ANGPTL6: variants seen among roughly 807,000 people sequenced by gnomAD.
The protein encoded by ANGPTL6 is angiopoietin like 6.
In ANGPTL6, 45 loss-of-function variants were observed where a neutral mutation model predicts 47.4. The observed-to-expected ratio is 0.95, with a 90% confidence interval of 0.75 to 1.22. ANGPTL6 has a LOEUF of 1.22. ANGPTL6 is among the 50% of genes most tolerant of loss of function. The probability of loss-of-function intolerance (pLI) is 0.00; values close to 1 mark genes in which losing one functional copy is unlikely to be tolerated. For missense variants in ANGPTL6, 698 were observed against 669.4 expected, an observed-to-expected ratio of 1.04 and a Z score of -0.47; for synonymous variants, 290 against 295.9, an observed-to-expected ratio of 0.98 and a Z score of 0.20.
At chr19:10,098,203 A>C (rs1224347012) in intron 1 of ANGPTL6, among the ~76,000 whole-genome samples, 1 of 151,964 alleles carries the variant, frequency 6.6e-6, no homozygotes, top group Non-Finnish European at 1.5e-5. Context: ...ACTATTTTGT[A>C]AATCTGGGCT....
chr19:10,102,872 C>G, upstream of ANGPTL6: 1 of 727,514 alleles, frequency 1.4e-6, no homozygotes, highest in Non-Finnish European at 1.7e-6. Context: ...CCTGGACATC[C>G]CTCCCTTTCC....
chr19:10,092,978 C>T (rs946935587), intron 5 of ANGPTL6, 199 bp from the exon 6 acceptor site: 1 of 510,492 alleles, frequency 2.0e-6, no homozygotes, highest in Non-Finnish European at 3.4e-6. Flanking sequence ...TTAATTCCTT[C>T]CCTATCTCCT....
At position 10,092,770 on chromosome 19, in the gene ANGPTL6, GCA is replaced by G; in HGVS notation, c.1230_1231del (p.Ala411ProfsTer39). On this transcript the variant is annotated frameshift_variant, in exon 6 of 6. Coordinates refer to ENST00000253109, the MANE Select transcript of ANGPTL6 (RefSeq NM_031917.3). LOFTEE classifies it high-confidence loss of function. ...CCACCAGCCTCCCCGCTGGTACAGGGCACAGTTACCTGAGGGGAGAGAGAGAG... is the reference window on the plus strand; with the variant it reads ...CCACCAGCCTCCCCGCTGGTACAGGGCAGTTACCTGAGGGGAGAGAGAGAG... The G allele has an allele frequency of 6.2e-7, 1 of 1,600,210 alleles. No individual in the cohort carries two copies.
At chr19:10,094,649 AG>A in intron 3 of ANGPTL6, 108 bp downstream of exon 3, 1 of 1,317,416 alleles carries the variant, frequency 7.6e-7, no homozygotes, top group Non-Finnish European at 1.1e-6. Context: ...TAATCAGAAT[AG>A]GAGTATCATT....
Position 10,096,341 on chromosome 19 carries a change from G to T in ANGPTL6, c.223C>A (p.Leu75Met). ...LRMRVGRHEE[L>M]LRELQRLAAA... ...GCCAGCCTCTGCAGCTCGCGTAACA[G>T]CTCCTCGTGGCGGCCGACGCGCATG... Residue 75 changes from leucine to methionine, a missense_variant, in exon 2 of 6, where the codon CTG (leucine) becomes ATG (methionine). By Grantham distance (15) the Leu-to-Met change is conservative. Coordinates refer to ENST00000253109, the MANE Select transcript of ANGPTL6 (RefSeq NM_031917.3). The T allele has an allele frequency of 7.8e-7, 1 of 1,285,968 alleles. No homozygotes were observed. The highest frequency in any genetic ancestry group is 2.5e-5 in the South Asian group (1 of 39,422). The allele number at this position is 1,285,968 out of a possible 1,614,324, so 79.7% of individuals were successfully genotyped here. A position where few individuals can be genotyped will look rare whatever the true frequency, so the allele number is the denominator to read the frequency against.
chr19:10,093,516 C>T lies in ANGPTL6; in HGVS notation c.1055G>A (p.Trp352Ter), dbSNP rs746059420. The T allele has an allele frequency of 6.2e-7, 1 of 1,614,092 alleles. No homozygotes were observed. Among genetic ancestry groups the T allele is most frequent in the East Asian group, 2.2e-5 (1 of 44,900 alleles). Residue 352 changes from tryptophan to a stop codon, truncating the protein, a stop_gained, in exon 5 of 6, where the codon TGG becomes TAG. Transcript: ENST00000253109. LOFTEE classifies it high-confidence loss of function. ...DHELLVLLED[W>*]GGRGARAHYD... ...GTGGGCACGTGCTCCACGGCCCCCC[C>T]AGTCCTCCAGGAGAACCAGCAGCTC... is the stretch of plus-strand genomic sequence containing the variant.
At chr19:10,096,890 T>A (rs1333828296) in intron 1 of ANGPTL6, among the ~76,000 whole-genome samples, 4 of 148,932 alleles carry the variant, frequency 2.7e-5, no homozygotes. Context: ...GACCAGGAGT[T>A]CGAGACCAGC....
rs773703531 is a variant in ANGPTL6 at position 10,093,768 on chromosome 19, C to A, written c.876G>T (p.Glu292Asp). 1.2e-6 allele frequency: 2 copies of A among 1,614,128 alleles called. No homozygotes were observed. The highest frequency in any genetic ancestry group is 1.3e-5 in the African/African-American group (1 of 74,946). Reference sequence around the variant, plus strand: ...GCTGGATCACAGTCCAGCCTCCACCCTCCAGTTGCTGCTCACACCATACTG... The same window carrying A: ...GCTGGATCACAGTCCAGCCTCCACCATCCAGTTGCTGCTCACACCATACTG... ...VVSVWCEQQLEGGGWTVIQRR... is the reference protein window; with the variant it reads ...VVSVWCEQQLDGGGWTVIQRR... The change falls in exon 4 of 6, where the codon GAG becomes GAT. Residue 292 changes from glutamate (E) to aspartate (D), a missense_variant. By Grantham distance (45) the Glu-to-Asp change is conservative. Transcript: ENST00000253109.
chr19:10,094,240 A>G (rs996098118), intron 3 of ANGPTL6, among the ~76,000 whole-genome samples: 2 of 151,722 alleles, frequency 1.3e-5, no homozygotes, highest in Admixed American at 6.6e-5. Context: ...TCATCCTCCC[A>G]GGTTCACGCC....
At chr19:10,102,501 A>G in intron 1 of ANGPTL6, 67 bp downstream of exon 1, 3 of 966,554 alleles carry the variant, frequency 3.1e-6, no homozygotes, top group South Asian at 4.8e-5. Flanking sequence ...GGGGCCCCCA[A>G]GCCAAGCTGT....
chr19:10,099,632 C>T (rs546671827), intron 1 of ANGPTL6, among the ~76,000 whole-genome samples: 9 of 151,620 alleles, frequency 5.9e-5, no homozygotes, highest in East Asian at 3.9e-4. Context: ...CCCTTCTGCC[C>T]TCCTCCCAGG....
chr19:10,097,164 G>T (rs942162123), intron 1 of ANGPTL6, among the ~76,000 whole-genome samples: 2 of 152,194 alleles, frequency 1.3e-5, no homozygotes, highest in Admixed American at 1.3e-4. Context: ...CCAGCACTTT[G>T]GGAGGCCGAG....
upstream of ANGPTL6, among the ~76,000 whole-genome samples, chr19:10,103,869 C>T (rs1443588937): frequency 1.4e-5 from 2 of 147,840 alleles, no homozygotes; most frequent in Non-Finnish European, 3.0e-5. Context: ...CCAAGGTGGG[C>T]AGATCACGAG....
rs751962294 is a variant in ANGPTL6, at chr19:10,096,031, A to G, written c.533T>C (p.Ile178Thr). The change falls in exon 2 of 6, where the codon ATC becomes ACC. Residue 178 changes from isoleucine (I) to threonine (T), a missense_variant. Physicochemically the swap from Ile to Thr is moderately conservative, Grantham distance 89. Transcript: ENST00000253109. The part of the protein sequence containing the change: ...AQLVTQQSSL[I>T]ARLERLCPGG... ...CGGGCACAGGCGCTCCAGGCGGGCG[A>G]TGAGACTGCTCTGCTGGGTGACGAG... 1 of 1,392,190 alleles carries G rather than the reference A, an allele frequency of 7.2e-7. No individual in the cohort carries two copies. Among genetic ancestry groups the G allele is most frequent in the South Asian group, 1.6e-5 (1 of 62,574 alleles). 86.2% of individuals were successfully genotyped at this position (1,392,190 alleles called of 1,614,324 possible).
chr19:10,097,731 T>C (rs942703755), intron 1 of ANGPTL6, among the ~76,000 whole-genome samples: 1 of 151,972 alleles, frequency 6.6e-6, no homozygotes, highest in Non-Finnish European at 1.5e-5. Context: ...CGGGCACTTG[T>C]AGTCCCAGCT....
chr19:10,106,103 G>T (rs1179246952), upstream of ANGPTL6: 1 of 554,864 alleles, frequency 1.8e-6, no homozygotes, highest in Non-Finnish European at 3.2e-6. Context: ...TCGGAATGCA[G>T]AAAGTGGTTT....
At chr19:10,100,023 C>T (rs948897552) in intron 1 of ANGPTL6, among the ~76,000 whole-genome samples, 2 of 150,846 alleles carry the variant, frequency 1.3e-5, no homozygotes, top group African/African-American at 4.9e-5. Context: ...CCACACCCAG[C>T]TAATTTTTGT....
chr19:10,099,855 C>T (rs1213005472), intron 1 of ANGPTL6, among the ~76,000 whole-genome samples: 1 of 136,142 alleles, frequency 7.3e-6, no homozygotes, highest in Non-Finnish European at 1.6e-5. Context: ...TTCTCTCTTT[C>T]TCTCTCTCTC....
chr19:10,097,910 C>T (rs1262140714), intron 1 of ANGPTL6, among the ~76,000 whole-genome samples: 3 of 149,466 alleles, frequency 2.0e-5, no homozygotes, highest in African/African-American at 4.9e-5. Flanking sequence ...ACTGGTGAGG[C>T]GGCTCAGGCC....
Sources: gnomAD v4.1 joint callset for allele counts (sites outside exome capture counted in the v4.1 genomes callset) on GRCh38, gnomAD v4.1.1 for gene constraint, MANE v1.5 for transcripts, NCBI Gene and HGNC (gene_info 2026-07-23, HGNC 2026-07-21) for gene names.